The following MAPKAP1 variants were observed in gnomAD, a reference collection of about 807,000 sequenced individuals.
The protein encoded by MAPKAP1 is MAPK associated protein 1.
In MAPKAP1, 20 loss-of-function variants were observed where a neutral mutation model predicts 65.7. That is an observed-to-expected ratio of 0.30 (90% CI 0.21 to 0.44). The LOEUF (loss-of-function observed/expected upper bound fraction) is 0.44. Among genes scored for constraint, MAPKAP1 ranks in the 20% least tolerant of loss-of-function variants. The pLI is 1.00. For synonymous variants in MAPKAP1, 222 were observed against 244.3 expected (o/e 0.91, Z 0.85); for missense variants, 423 against 648.0 (o/e 0.65, Z 3.77).
At chr9:125,445,167 G>A (rs958377342) in intron 10 of MAPKAP1, among the ~76,000 whole-genome samples, 1 of 152,096 alleles carries the variant, frequency 6.6e-6, no homozygotes, top group African/African-American at 2.4e-5. Context: ...CATGGAAAGT[G>A]GGCACCTCAC....
chr9:125,598,253 T>C (rs138540535), intron 4 of MAPKAP1, among the ~76,000 whole-genome samples: 150 of 152,314 alleles, frequency 9.8e-4, no homozygotes, highest in African/African-American at 3.4e-3. Flanking sequence ...CTTGGCTTTG[T>C]AGTGCTATCT....
At chr9:125,638,557 TCTG>T (rs980982933) in intron 4 of MAPKAP1, among the ~76,000 whole-genome samples, 1 of 152,234 alleles carries the variant, frequency 6.6e-6, no homozygotes, top group Non-Finnish European at 1.5e-5. Flanking sequence ...TTAATATTTT[TCTG>T]CTTTTTCTAC....
At chr9:125,683,208 T>C (rs1303082383) in intron 1 of MAPKAP1, among the ~76,000 whole-genome samples, 1 of 152,144 alleles carries the variant, frequency 6.6e-6, no homozygotes, top group Non-Finnish European at 1.5e-5. Flanking sequence ...TCCACCCACC[T>C]CAGCCTCCCA....
At chr9:125,499,418 A>G (rs1828904871) in intron 8 of MAPKAP1, among the ~76,000 whole-genome samples, 1 of 152,232 alleles carries the variant, frequency 6.6e-6, no homozygotes, top group African/African-American at 2.4e-5. Flanking sequence ...TTCATAATTT[A>G]CTTCCATTTT....
At chr9:125,692,376 T>C (rs73593580) in intron 1 of MAPKAP1, among the ~76,000 whole-genome samples, 3,825 of 152,312 alleles carry the variant, frequency 0.025, 145 homozygotes, top group African/African-American at 0.086. Context: ...CAGATGAACC[T>C]TGAAAATTAT....
chr9:125,511,808 A>T (rs769566337), intron 7 of MAPKAP1, among the ~76,000 whole-genome samples: 2 of 152,252 alleles, frequency 1.3e-5, no homozygotes, highest in African/African-American at 2.4e-5. Context: ...ACAGCTGCGC[A>T]TGAAGCCGCA....
At chr9:125,487,461 TCAA>T (rs773821503) in intron 8 of MAPKAP1, among the ~76,000 whole-genome samples, 1 of 151,058 alleles carries the variant, frequency 6.6e-6, no homozygotes, top group African/African-American at 2.4e-5. Context: ...AAAAATCATT[TCAA>T]GTCATCTTTT....
intron 4 of MAPKAP1, among the ~76,000 whole-genome samples, chr9:125,604,804 A>T (rs1832397329): frequency 6.6e-6 from 1 of 152,224 alleles, no homozygotes; most frequent in Non-Finnish European, 1.5e-5. Flanking sequence ...ACCAGTTGTT[A>T]CAATCTAAGC....
chr9:125,655,379 A>G (rs938466256), intron 4 of MAPKAP1, among the ~76,000 whole-genome samples: 1 of 152,202 alleles, frequency 6.6e-6, no homozygotes, highest in Non-Finnish European at 1.5e-5. Flanking sequence ...AGGGGTTGAC[A>G]TGATCTTAAC....
intron 4 of MAPKAP1, among the ~76,000 whole-genome samples, chr9:125,599,355 T>C (rs1308373247): frequency 6.6e-6 from 1 of 152,202 alleles, no homozygotes; most frequent in African/African-American, 2.4e-5. Context: ...AATGTGTTTA[T>C]GTCCACTGAG....
chr9:125,593,488 C>T (rs139972015), intron 4 of MAPKAP1, among the ~76,000 whole-genome samples: 72 of 152,122 alleles, frequency 4.7e-4, no homozygotes, highest in Middle Eastern at 3.4e-3. Context: ...ACAGTGAAAC[C>T]CCGTCTCTAC....
intron 4 of MAPKAP1, among the ~76,000 whole-genome samples, chr9:125,622,698 C>T (rs990905194): frequency 3.3e-5 from 5 of 152,194 alleles, no homozygotes; most frequent in Non-Finnish European, 5.9e-5. Context: ...CCCATCTTGG[C>T]CTCCCAAAGT....
At chr9:125,550,705 C>A (rs1490367940) in intron 6 of MAPKAP1, among the ~76,000 whole-genome samples, 1 of 152,042 alleles carries the variant, frequency 6.6e-6, no homozygotes, top group Non-Finnish European at 1.5e-5. Context: ...TAGCTGTTGC[C>A]AAAAAGGAAA....
At chr9:125,440,598 A>AG (rs1015240835) in intron 11 of MAPKAP1, among the ~76,000 whole-genome samples, 1 of 151,898 alleles carries the variant, frequency 6.6e-6, no homozygotes, top group Non-Finnish European at 1.5e-5. Context: ...CGGGGGAGGC[A>AG]GCGCGAGATG....
At chr9:125,609,948 T>C (rs1414844449) in intron 4 of MAPKAP1, among the ~76,000 whole-genome samples, 1 of 152,176 alleles carries the variant, frequency 6.6e-6, no homozygotes, top group Non-Finnish European at 1.5e-5. Context: ...ACAGATAAAC[T>C]GCTAAGAGGT....
chr9:125,659,147 C>T (rs1834115862), intron 3 of MAPKAP1, among the ~76,000 whole-genome samples: 1 of 152,154 alleles, frequency 6.6e-6, no homozygotes, highest in African/African-American at 2.4e-5. Context: ...TACCTGTAAT[C>T]TATTACCACT....
chr9:125,670,446 C>G (rs112751374), intron 2 of MAPKAP1, among the ~76,000 whole-genome samples: 3,844 of 152,156 alleles, frequency 0.025, 71 homozygotes, highest in African/African-American at 0.049. Flanking sequence ...TGGGCTGAAA[C>G]AGTTTATAGG....
intron 4 of MAPKAP1, among the ~76,000 whole-genome samples, chr9:125,657,410 G>A (rs185029791): frequency 1.3e-5 from 2 of 151,984 alleles, no homozygotes; most frequent in African/African-American, 2.4e-5. Context: ...CAGAGAAAGA[G>A]AGAATGAAAG....
chr9:125,527,669 TTTTC>T (rs1274859852), intron 7 of MAPKAP1, among the ~76,000 whole-genome samples: 9 of 152,168 alleles, frequency 5.9e-5, no homozygotes, highest in Admixed American at 5.9e-4. Flanking sequence ...TTTGCTTTTC[TTTTC>T]TTTTTCTGCA....
Sources: allele counts gnomAD v4.1 joint callset (sites outside exome capture counted in the v4.1 genomes callset), GRCh38; gene constraint gnomAD v4.1.1; transcripts MANE v1.5; gene names NCBI Gene and HGNC (gene_info 2026-07-23, HGNC 2026-07-21).